Variants in PDZRN4 observed in about 807,000 individuals in gnomAD.
The protein encoded by PDZRN4 is PDZ domain-containing RING finger protein 4.
Under a neutral mutation model 99.0 loss-of-function variants are expected in PDZRN4, and 70 were observed. The observed-to-expected ratio is 0.71, with a 90% CI of 0.58 to 0.86. The LOEUF is 0.86. Among genes scored for constraint, PDZRN4 ranks in the 40% least tolerant of loss-of-function variants. PDZRN4 has a pLI of 0.00. For missense variants in PDZRN4, 1,474 were observed against 1,331.2 expected (o/e 1.11, Z -1.67); for synonymous variants, 551 against 501.6 (o/e 1.10, Z -1.32).
At chr12:41,211,831 C>A (rs1950890529) in intron 3 of PDZRN4, among the ~76,000 whole-genome samples, 1 of 151,830 alleles carries the variant, frequency 6.6e-6, no homozygotes, top group African/African-American at 2.4e-5. Context: ...TTAACGAGAC[C>A]AGAAACCCAT....
intron 3 of PDZRN4, among the ~76,000 whole-genome samples, chr12:41,411,352 A>AAAGG (rs1385982628): frequency 1.3e-5 from 2 of 152,138 alleles, no homozygotes; most frequent in Admixed American, 1.3e-4. Context: ...GGAAAAGTGA[A>AAAGG]AAGGAAGGAG....
At chr12:41,315,271 C>A (rs1301702428) in intron 3 of PDZRN4, among the ~76,000 whole-genome samples, 2 of 152,076 alleles carry the variant, frequency 1.3e-5, no homozygotes, top group Non-Finnish European at 2.9e-5. Context: ...CTCTGCTGAC[C>A]AGTATATAAA....
At chr12:41,247,326 C>T (rs76275844) in intron 3 of PDZRN4, among the ~76,000 whole-genome samples, 2,467 of 152,262 alleles carry the variant, frequency 0.016, 33 homozygotes, top group East Asian at 0.06. Context: ...TGAGGAGCTG[C>T]TAGATAGGCA....
At position 41,188,690 on chromosome 12, in the gene PDZRN4, G is replaced by A. The variant is rs1479528963; in HGVS notation, c.235G>A (p.Val79Ile). 1.3e-6 allele frequency: 2 copies of A among 1,557,746 alleles called. No individual in the cohort carries two copies. Among genetic ancestry groups the A allele is most frequent in the Admixed American group, 1.8e-5 (1 of 55,792 alleles). The part of the protein sequence containing the change: ...PLRSLIQKLR[V>I]QCDYRARGCG... ...GCGCAGCCTCATCCAGAAGCTGCGA[G>A]TCCAGTGCGACTACCGCGCCCGCGG... is the stretch of plus-strand genomic sequence containing the variant. Residue 79 changes from valine (V) to isoleucine (I), a missense_variant, in exon 1 of 10, where the codon GTC becomes ATC. Val to Ile is a conservative substitution (Grantham distance 29). Transcript: ENST00000402685.
chr12:41,342,672 T>G (rs1313640780), intron 3 of PDZRN4, among the ~76,000 whole-genome samples: 2 of 151,884 alleles, frequency 1.3e-5, no homozygotes, highest in Non-Finnish European at 2.9e-5. Flanking sequence ...ACCTCAATCC[T>G]GTTAGAATGG....
At chr12:41,407,437 A>G (rs1952358080) in intron 3 of PDZRN4, among the ~76,000 whole-genome samples, 1 of 152,200 alleles carries the variant, frequency 6.6e-6, no homozygotes, top group Admixed American at 6.5e-5. Context: ...CCCATTTGGG[A>G]AAATACTTGT....
At chr12:41,436,868 A>G (rs945220433) in intron 3 of PDZRN4, among the ~76,000 whole-genome samples, 17 of 151,700 alleles carry the variant, frequency 1.1e-4, no homozygotes, top group Admixed American at 3.9e-4. Flanking sequence ...CATTACATTC[A>G]AGTTTAACTA....
intron 9 of PDZRN4, among the ~76,000 whole-genome samples, chr12:41,571,537 G>A (rs1939479889): frequency 2.0e-5 from 3 of 151,968 alleles, no homozygotes; most frequent in South Asian, 4.2e-4. Context: ...ATTCTCAATA[G>A]ACTAAAATTT....
At chr12:41,208,715 C>G (rs1250427854) in intron 3 of PDZRN4, among the ~76,000 whole-genome samples, 2 of 151,852 alleles carry the variant, frequency 1.3e-5, no homozygotes, top group Non-Finnish European at 2.9e-5. Flanking sequence ...AGTACTTTCT[C>G]TTTCTTAAAA....
chr12:41,552,545 C>A (rs61924306), intron 5 of PDZRN4, 111 bp from the exon 6 acceptor site: 4 of 679,458 alleles, frequency 5.9e-6, no homozygotes, highest in Non-Finnish European at 9.7e-6. Context: ...CAATGTTGGG[C>A]AATAATTATT....
intron 3 of PDZRN4, among the ~76,000 whole-genome samples, chr12:41,498,675 C>T (rs771214928): frequency 3.3e-5 from 5 of 152,080 alleles, no homozygotes; most frequent in Admixed American, 6.6e-5. Context: ...AAGTTTCTAA[C>T]GTGTGAACTT....
chr12:41,377,555 TC>T (rs1185543525), intron 3 of PDZRN4, among the ~76,000 whole-genome samples: 3 of 152,130 alleles, frequency 2.0e-5, no homozygotes, highest in Admixed American at 6.5e-5. Context: ...GTCCAGCTAC[TC>T]GGGAGGCTGA....
At chr12:41,520,723 A>G (rs1455247296) in intron 5 of PDZRN4, among the ~76,000 whole-genome samples, 1 of 151,772 alleles carries the variant, frequency 6.6e-6, no homozygotes, top group African/African-American at 2.4e-5. Flanking sequence ...TGATGGAGCA[A>G]ATAAATCTTT....
chr12:41,567,349 G>C (rs888503846), intron 8 of PDZRN4, among the ~76,000 whole-genome samples: 4 of 151,052 alleles, frequency 2.6e-5, no homozygotes, highest in African/African-American at 9.7e-5. Flanking sequence ...ACGAGCGTAT[G>C]GGGGGAACTT....
chr12:41,273,021 C>T (rs889849309), intron 3 of PDZRN4, among the ~76,000 whole-genome samples: 1 of 151,954 alleles, frequency 6.6e-6, no homozygotes, highest in African/African-American at 2.4e-5. Context: ...TCCTAAAAGG[C>T]GCATTTCCTT....
intron 3 of PDZRN4, among the ~76,000 whole-genome samples, chr12:41,227,876 TACACACACACACACACACAC>T (rs138441771): frequency 9.2e-4 from 87 of 94,228 alleles, no homozygotes; most frequent in African/African-American, 2.7e-3. Context: ...AGCAAAAATC[TACACACACACACACACACAC>T]ACACACACAC....
At chr12:41,513,199 G>A (rs1592092254) in intron 5 of PDZRN4, among the ~76,000 whole-genome samples, 1 of 152,024 alleles carries the variant, frequency 6.6e-6, no homozygotes, top group Admixed American at 6.6e-5. Context: ...CTGATGGACT[G>A]TAACAGGTCC....
At chr12:41,481,441 A>G (rs1937672860) in intron 3 of PDZRN4, among the ~76,000 whole-genome samples, 1 of 152,248 alleles carries the variant, frequency 6.6e-6, no homozygotes, top group East Asian at 1.9e-4. Flanking sequence ...TTAACTTGGC[A>G]TTTAAACCCC....
At chr12:41,209,815 A>G (rs1950876462) in intron 3 of PDZRN4, among the ~76,000 whole-genome samples, 1 of 149,518 alleles carries the variant, frequency 6.7e-6, no homozygotes, top group Non-Finnish European at 1.5e-5. Context: ...ATACGTGTGC[A>G]TGTGTCTTTA....
Sources: gnomAD v4.1 joint callset for allele counts (sites outside exome capture counted in the v4.1 genomes callset) on GRCh38, gnomAD v4.1.1 for gene constraint, MANE v1.5 for transcripts, NCBI Gene and HGNC (gene_info 2026-07-23, HGNC 2026-07-21) for gene names.